Variants in KLHL32 observed in about 807,000 individuals in gnomAD.
KLHL32 encodes the protein kelch-like protein 32.
Under a neutral mutation model 64.8 loss-of-function variants are expected in KLHL32, and 35 were observed. That is an observed-to-expected ratio of 0.54 (90% CI 0.41 to 0.72). KLHL32 has a LOEUF of 0.72. Ranked by LOEUF, KLHL32 falls within the 30% of genes least tolerant of loss-of-function variation. The probability of loss-of-function intolerance (pLI) is 0.00; values close to 1 mark genes in which losing one functional copy is unlikely to be tolerated. For synonymous variants in KLHL32, 259 were observed against 281.0 expected, an observed-to-expected ratio of 0.92 and a Z score of 0.78; for missense variants, 589 against 768.5, an observed-to-expected ratio of 0.77 and a Z score of 2.76.
Position 97,139,590 on chromosome 6 carries a change from A to AC in KLHL32, c.*309dup, listed in dbSNP as rs374457498. 78 of 215,620 alleles carry AC rather than the reference A, an allele frequency of 3.6e-4. No homozygotes were observed. The highest frequency in any genetic ancestry group is 1.6e-3 in the African/African-American group (70 of 43,584). 13.4% of individuals were successfully genotyped at this position (215,620 alleles called of 1,614,324 possible). A position where few individuals can be genotyped will look rare whatever the true frequency, so the allele number is the denominator to read the frequency against. ...TTTTTCTAATCAGCACTGTCTTAAG[A>AC]CAACATAACACTGTTAGTAAGGCAA... On this transcript the variant is annotated 3_prime_UTR_variant, in exon 11 of 11. Coordinates refer to ENST00000369261, the MANE Select transcript of KLHL32 (RefSeq NM_052904.4).
chr6:96,983,846 A>AT (rs1313713124), intron 3 of KLHL32, among the ~76,000 whole-genome samples: 2 of 151,964 alleles, frequency 1.3e-5, no homozygotes, highest in Non-Finnish European at 2.9e-5. Context: ...GGATTCATTG[A>AT]TTTTTTGAAG....
At chr6:97,103,981 A>C (rs1199833848) in intron 6 of KLHL32, among the ~76,000 whole-genome samples, 1 of 152,244 alleles carries the variant, frequency 6.6e-6, no homozygotes, top group East Asian at 1.9e-4. Context: ...TATTTTAAAA[A>C]TGAGAGCCAA....
intron 3 of KLHL32, among the ~76,000 whole-genome samples, chr6:97,015,936 C>T (rs902222637): frequency 6.6e-5 from 10 of 152,176 alleles, no homozygotes; most frequent in African/African-American, 2.2e-4. Context: ...TCAGAGGGCA[C>T]AAGCTCCAAG....
At chr6:97,027,964 A>G (rs1782979737) in intron 3 of KLHL32, among the ~76,000 whole-genome samples, 1 of 152,230 alleles carries the variant, frequency 6.6e-6, no homozygotes. Context: ...AAGGGGAGAA[A>G]GCTATCAAGA....
intron 10 of KLHL32, among the ~76,000 whole-genome samples, chr6:97,138,394 C>A (rs1186512570): frequency 6.6e-6 from 1 of 152,090 alleles, no homozygotes. Context: ...TACAGATTAG[C>A]TAGGCGTGGT....
At chr6:96,912,801 C>T in the KLHL32 span, among the ~76,000 whole-genome samples, 13 of 152,166 alleles carry the variant, frequency 8.5e-5, no homozygotes, top group African/African-American at 2.9e-4. Context: ...AGGAGACCCT[C>T]CTAACTACTT....
chr6:96,962,039 A>G (rs1773938358), intron 1 of KLHL32, among the ~76,000 whole-genome samples: 1 of 152,228 alleles, frequency 6.6e-6, no homozygotes, highest in Admixed American at 6.5e-5. Context: ...TTTCGGTCAT[A>G]TAACTTGCCA....
At chr6:96,960,337 C>T (rs1773750892) in intron 1 of KLHL32, among the ~76,000 whole-genome samples, 1 of 152,088 alleles carries the variant, frequency 6.6e-6, no homozygotes, top group Admixed American at 6.6e-5. Flanking sequence ...GGTCATCTTC[C>T]CATAACTTGT....
At chr6:96,918,144 A>G in the KLHL32 span, among the ~76,000 whole-genome samples, 1 of 152,248 alleles carries the variant, frequency 6.6e-6, no homozygotes, top group Non-Finnish European at 1.5e-5. Context: ...AAAAACGGAA[A>G]GAGCTGCTGT....
chr6:96,900,907 G>C, the KLHL32 span, among the ~76,000 whole-genome samples: 1 of 152,208 alleles, frequency 6.6e-6, no homozygotes, highest in Non-Finnish European at 1.5e-5. Flanking sequence ...CAGAGAATTT[G>C]TAGGAGTCCA....
Position 97,115,204 on chromosome 6 carries a change from C to T in KLHL32, c.1354+695C>T, listed in dbSNP as rs2053701559. 2.6e-5 allele frequency among the ~76,000 whole-genome samples: 4 copies of T among 152,130 alleles called. No homozygotes were observed. The South Asian group carries it at 8.3e-4, about 32-fold the overall frequency. On this transcript the variant is annotated intron_variant, in intron 7 of 10. Coordinates refer to ENST00000369261, the MANE Select transcript of KLHL32 (RefSeq NM_052904.4). Reference sequence around the variant, plus strand: ...CTAATTTTTGTAATTTTTGTCAAGGCAGGGTTTCACTACATTGCCCAGGCT... The same window carrying T: ...CTAATTTTTGTAATTTTTGTCAAGGTAGGGTTTCACTACATTGCCCAGGCT...
chr6:96,984,584 G>A (rs1776761863), intron 3 of KLHL32, among the ~76,000 whole-genome samples: 1 of 152,166 alleles, frequency 6.6e-6, no homozygotes, highest in Admixed American at 6.5e-5. Flanking sequence ...TATATATTTA[G>A]GATAGTTAGC....
intron 3 of KLHL32, chr6:96,994,416 T>C: frequency 2.7e-6 from 2 of 739,622 alleles, no homozygotes; most frequent in Non-Finnish European, 3.3e-6. Flanking sequence ...AAATTATTTA[T>C]GTTTTTTTTC....
chr6:97,117,791 T>G (rs1025736556), intron 7 of KLHL32, among the ~76,000 whole-genome samples: 5 of 152,202 alleles, frequency 3.3e-5, no homozygotes, highest in Admixed American at 1.3e-4. Flanking sequence ...GAACCTTTTT[T>G]TGTGTGTGAG....
intron 3 of KLHL32, among the ~76,000 whole-genome samples, chr6:96,997,598 C>G (rs1290760916): frequency 6.6e-6 from 1 of 151,960 alleles, no homozygotes; most frequent in African/African-American, 2.4e-5. Flanking sequence ...AAAAAATTAG[C>G]TGGGTGTAGT....
At chr6:96,913,749 C>G in the KLHL32 span, among the ~76,000 whole-genome samples, 1 of 152,194 alleles carries the variant, frequency 6.6e-6, no homozygotes, top group Non-Finnish European at 1.5e-5. Flanking sequence ...TATTGCCAGG[C>G]TTTCCCTTAA....
intron 1 of KLHL32, among the ~76,000 whole-genome samples, chr6:96,932,566 C>CT (rs1378825198): frequency 1.6e-5 from 1 of 63,548 alleles, no homozygotes; most frequent in Non-Finnish European, 2.7e-5. Context: ...TGTCAATTTC[C>CT]CCCCCCCCCT....
At chr6:96,909,734 G>A in the KLHL32 span, among the ~76,000 whole-genome samples, 1 of 152,184 alleles carries the variant, frequency 6.6e-6, no homozygotes, top group African/African-American at 2.4e-5. Flanking sequence ...GAGCTAACCA[G>A]AAAAGGAGAA....
chr6:96,980,415 T>A (rs890120906), intron 3 of KLHL32, among the ~76,000 whole-genome samples: 9 of 152,214 alleles, frequency 5.9e-5, no homozygotes, highest in Non-Finnish European at 7.3e-5. Flanking sequence ...TCTATTGAGA[T>A]GATCATGTGG....
Sources: allele counts gnomAD v4.1 joint callset (sites outside exome capture counted in the v4.1 genomes callset), GRCh38; gene constraint gnomAD v4.1.1; transcripts MANE v1.5; gene names NCBI Gene and HGNC (gene_info 2026-07-23, HGNC 2026-07-21).